SUGCT: variants seen among roughly 807,000 people sequenced by gnomAD.
SUGCT encodes succinyl-CoA:glutarate-CoA transferase, also known as succinyl-CoA:glutarate CoA-transferase.
In SUGCT, 41 loss-of-function variants were observed where a neutral mutation model predicts 55.0. The observed-to-expected ratio is 0.74, with a 90% confidence interval of 0.58 to 0.97. SUGCT has a LOEUF of 0.97. Ranked by LOEUF, SUGCT falls within the 50% of genes least tolerant of loss-of-function variation. SUGCT has a pLI of 0.00. For synonymous variants in SUGCT, 187 were observed against 200.4 expected, an observed-to-expected ratio of 0.93 and a Z score of 0.56; for missense variants, 568 against 547.8, an observed-to-expected ratio of 1.04 and a Z score of -0.37.
At chr7:40,922,466 G>T in the SUGCT span, among the ~76,000 whole-genome samples, 1 of 152,196 alleles carries the variant, frequency 6.6e-6, no homozygotes, top group Non-Finnish European at 1.5e-5. Flanking sequence ...GAGTCAGAGA[G>T]CTTGACTCAT....
At chr7:40,214,955 G>A (rs1787540593) in intron 6 of SUGCT, among the ~76,000 whole-genome samples, 1 of 151,886 alleles carries the variant, frequency 6.6e-6, no homozygotes, top group Non-Finnish European at 1.5e-5. Flanking sequence ...AGAGGAAAGA[G>A]TATGTGTATA....
intron 13 of SUGCT, among the ~76,000 whole-genome samples, chr7:40,844,715 C>T (rs527347198): frequency 6.6e-6 from 1 of 152,338 alleles, no homozygotes; most frequent in South Asian, 2.1e-4. Context: ...GGGCCCTCGC[C>T]AGGGACCGCC....
intron 13 of SUGCT, among the ~76,000 whole-genome samples, chr7:40,859,938 G>A (rs1387211666): frequency 6.6e-6 from 1 of 152,210 alleles, no homozygotes; most frequent in Non-Finnish European, 1.5e-5. Context: ...CAAATTTCCA[G>A]CTTCAGAGAG....
intron 1 of SUGCT, among the ~76,000 whole-genome samples, chr7:40,164,682 C>T (rs1425616931): frequency 2.0e-5 from 3 of 152,032 alleles, no homozygotes; most frequent in East Asian, 1.9e-4. Flanking sequence ...ATTATCATCT[C>T]GATGTGATTC....
At chr7:40,856,949 T>C (rs1794203232) in intron 13 of SUGCT, among the ~76,000 whole-genome samples, 2 of 152,148 alleles carry the variant, frequency 1.3e-5, no homozygotes, top group Non-Finnish European at 2.9e-5. Flanking sequence ...TCTTAGATTA[T>C]TACTAATATT....
intron 9 of SUGCT, 63 bp from the exon 10 acceptor site, chr7:40,449,224 A>G (rs1789052352): frequency 5.5e-6 from 6 of 1,100,104 alleles, no homozygotes; most frequent in African/African-American, 1.6e-5. Context: ...TATTTTAGAA[A>G]TTAAACTTTT....
chr7:40,905,972 C>T, the SUGCT span, among the ~76,000 whole-genome samples: 2 of 152,108 alleles, frequency 1.3e-5, no homozygotes, highest in Non-Finnish European at 2.9e-5. Context: ...TGCACTTCCG[C>T]CTTGGCCTCC....
chr7:40,382,278 G>T (rs903943118), intron 9 of SUGCT, among the ~76,000 whole-genome samples: 1 of 152,008 alleles, frequency 6.6e-6, no homozygotes, highest in Non-Finnish European at 1.5e-5. Context: ...GTCAGGAATA[G>T]AATTTTATTG....
chr7:40,593,555 T>C (rs1797843419), intron 12 of SUGCT, among the ~76,000 whole-genome samples: 1 of 152,078 alleles, frequency 6.6e-6, no homozygotes, highest in African/African-American at 2.4e-5. Flanking sequence ...AATATATCAG[T>C]ATGGGCCAGG....
intron 6 of SUGCT, among the ~76,000 whole-genome samples, chr7:40,235,291 T>G (rs1014444519): frequency 7.9e-5 from 12 of 152,170 alleles, no homozygotes; most frequent in Non-Finnish European, 1.2e-4. Flanking sequence ...GTGGTTTTAT[T>G]TATTTACTTT....
At chr7:41,026,001 A>G in the SUGCT span, among the ~76,000 whole-genome samples, 1 of 152,162 alleles carries the variant, frequency 6.6e-6, no homozygotes, top group Non-Finnish European at 1.5e-5. Flanking sequence ...AGGCCAGCAC[A>G]CTTTTTACAA....
chr7:40,647,628 A>G (rs1800586564), intron 12 of SUGCT, among the ~76,000 whole-genome samples: 1 of 152,096 alleles, frequency 6.6e-6, no homozygotes, highest in Admixed American at 6.6e-5. Flanking sequence ...AGGTGGGTGG[A>G]TCACCTGAGG....
chr7:40,774,269 A>C (rs1387604447), intron 13 of SUGCT, among the ~76,000 whole-genome samples: 3 of 152,222 alleles, frequency 2.0e-5, no homozygotes, highest in Non-Finnish European at 4.4e-5. Context: ...TATCTCATGA[A>C]AGCCCAGAAG....
chr7:40,639,366 C>G (rs544108752), intron 12 of SUGCT, among the ~76,000 whole-genome samples: 3 of 152,292 alleles, frequency 2.0e-5, no homozygotes, highest in Admixed American at 1.3e-4. Context: ...CAATATCTCA[C>G]AGCAGATGAA....
intron 12 of SUGCT, among the ~76,000 whole-genome samples, chr7:40,573,013 A>G (rs1796539248): frequency 6.6e-6 from 1 of 151,834 alleles, no homozygotes; most frequent in South Asian, 2.1e-4. Context: ...ACAAAAATGC[A>G]CCCCCCACAA....
intron 5 of SUGCT, among the ~76,000 whole-genome samples, chr7:40,193,943 T>C (rs1786094241): frequency 6.6e-6 from 1 of 152,124 alleles, no homozygotes; most frequent in Non-Finnish European, 1.5e-5. Flanking sequence ...AATTGAAATT[T>C]TGGGAAAAAA....
intron 13 of SUGCT, among the ~76,000 whole-genome samples, chr7:40,848,341 C>G (rs1187857533): frequency 6.6e-6 from 1 of 152,156 alleles, no homozygotes; most frequent in African/African-American, 2.4e-5. Flanking sequence ...TACATGCTTT[C>G]TCTCCCCCTT....
chr7:40,466,060 A>AT lies in SUGCT; in HGVS notation c.986+6870dup, dbSNP rs879834480. Among the ~76,000 whole-genome samples, 11 of 151,806 alleles carry AT rather than the reference A, an allele frequency of 7.2e-5. No individual in the cohort carries two copies. In the East Asian group the frequency reaches 7.8e-4, roughly 11 times the overall value. On this transcript the variant is annotated intron_variant, in intron 11 of 13. Transcript: ENST00000335693. ...CCATGCCTGCTTAATTTAAAATATA[A>AT]TTTTTTTTAAAAAGATAGTTGGTGG...
rs1314961773 is a variant in SUGCT at position 40,249,315 on chromosome 7, A to ATCTATATCTATATATCTATATATC, written c.576+11590_576+11591insCTATATCTATATATCTATATATCT. On this transcript the variant is annotated intron_variant, in intron 7 of 13. Coordinates refer to ENST00000335693, the MANE Select transcript of SUGCT (RefSeq NM_001193313.2). Reference sequence around the variant, plus strand: ...TTAAAACAAAAAACACCAAAAAGCTATATATATATATATATATATATATAT... The same window carrying ATCTATATCTATATATCTATATATC: ...TTAAAACAAAAAACACCAAAAAGCTATCTATATCTATATATCTATATATCTATATATATATATATATATATATAT... 9.8e-4 allele frequency among the ~76,000 whole-genome samples: 33 copies of ATCTATATCTATATATCTATATATC among 33,504 alleles called. 1 individual carries two copies. Among genetic ancestry groups the ATCTATATCTATATATCTATATATC allele is most frequent in the Non-Finnish European group, 1.3e-3 (21 of 15,804 alleles). The allele number at this position is 33,504 out of a possible 152,430, so 22.0% of individuals were successfully genotyped here. A position where few individuals can be genotyped will look rare whatever the true frequency, so the allele number is the denominator to read the frequency against.
Sources: gnomAD v4.1 joint callset for allele counts (sites outside exome capture counted in the v4.1 genomes callset) on GRCh38, gnomAD v4.1.1 for gene constraint, MANE v1.5 for transcripts, NCBI Gene and HGNC (gene_info 2026-07-23, HGNC 2026-07-21) for gene names.